Variants in SGMS1 observed in about 807,000 individuals in gnomAD.
SGMS1 encodes sphingomyelin synthase 1.
A neutral mutation model predicts 46.2 loss-of-function variants in SGMS1; 13 were observed. The ratio of observed to expected loss-of-function variants is 0.28; its 90% CI spans 0.18 to 0.45. SGMS1 has a LOEUF of 0.45. Ranked by LOEUF, SGMS1 falls within the 20% of genes least tolerant of loss-of-function variation. SGMS1 has a pLI of 1.00. For missense variants in SGMS1, 324 were observed against 519.9 expected (o/e 0.62, Z 3.66); for synonymous variants, 203 against 187.8 (o/e 1.08, Z -0.66).
In SGMS1 at chr10:50,308,299, T is replaced by G. The variant is rs545586539; in HGVS notation, c.896-151A>C. On this transcript the variant is annotated intron_variant, in intron 9 of 10. Transcript: ENST00000361781. ...GAATCTAAGGGCTGTCATTTATCTG[T>G]AACCAAGGTTAGAACAGAAACAGCT... 3.0e-5 allele frequency: 20 copies of G among 668,130 alleles called. No homozygotes were observed. In the South Asian group the frequency reaches 4.5e-4, roughly 15 times the overall value. 41.4% of individuals were successfully genotyped at this position (668,130 alleles called of 1,614,324 possible). A position where few individuals can be genotyped will look rare whatever the true frequency, so the allele number is the denominator to read the frequency against.
intron 3 of SGMS1, among the ~76,000 whole-genome samples, chr10:50,467,342 AT>A (rs1453956632): frequency 6.6e-6 from 1 of 152,184 alleles, no homozygotes; most frequent in East Asian, 1.9e-4. Context: ...ATAAATTTTC[AT>A]TTTTACCAAA....
At chr10:50,470,724 G>A (rs1439336787) in intron 3 of SGMS1, among the ~76,000 whole-genome samples, 3 of 151,958 alleles carry the variant, frequency 2.0e-5, no homozygotes. Flanking sequence ...CTCAAATTTT[G>A]CCTCAATTTA....
chr10:50,544,703 G>A (rs568854290), intron 2 of SGMS1, among the ~76,000 whole-genome samples: 7 of 152,262 alleles, frequency 4.6e-5, no homozygotes, highest in Admixed American at 4.6e-4. Flanking sequence ...GAAGATATGA[G>A]ATAAACAAGG....
At chr10:50,420,447 A>G (rs1849240733) in intron 6 of SGMS1, among the ~76,000 whole-genome samples, 1 of 152,180 alleles carries the variant, frequency 6.6e-6, no homozygotes, top group South Asian at 2.1e-4. Flanking sequence ...ACACATCATC[A>G]TCATCATCAC....
At chr10:50,423,476 G>A (rs1448176760) in intron 6 of SGMS1, among the ~76,000 whole-genome samples, 2 of 152,168 alleles carry the variant, frequency 1.3e-5, no homozygotes, top group Non-Finnish European at 2.9e-5. Flanking sequence ...AGAAGAAAAC[G>A]GGTTTAATTC....
chr10:50,311,136 C>G (rs1847245644), intron 9 of SGMS1, 126 bp downstream of exon 9: 1 of 1,113,410 alleles, frequency 9.0e-7, no homozygotes, highest in African/African-American at 1.6e-5. Flanking sequence ...TGAGATGAAG[C>G]TGCAAGCCTC....
intron 3 of SGMS1, among the ~76,000 whole-genome samples, chr10:50,477,586 T>C (rs912135761): frequency 2.6e-5 from 4 of 152,154 alleles, no homozygotes; most frequent in African/African-American, 9.7e-5. Flanking sequence ...CAGAATGATA[T>C]GCTTTGGCTA....
chr10:50,407,230 T>C (rs1849027603), intron 6 of SGMS1, among the ~76,000 whole-genome samples: 1 of 152,200 alleles, frequency 6.6e-6, no homozygotes, highest in Non-Finnish European at 1.5e-5. Flanking sequence ...TGCTAAGTGA[T>C]ATATCATAGA....
intron 1 of SGMS1, among the ~76,000 whole-genome samples, chr10:50,616,796 ACT>A (rs1838801940): frequency 6.6e-6 from 1 of 152,232 alleles, no homozygotes; most frequent in Admixed American, 6.5e-5. Flanking sequence ...AAAATTTGAA[ACT>A]CTATTAAAAA....
At position 50,574,860 on chromosome 10, in the gene SGMS1, C is replaced by T. The variant is rs371635162; in HGVS notation, c.-589+15293G>A. On this transcript the variant is annotated intron_variant, in intron 2 of 10. Transcript: ENST00000361781. ...AATATGCTAATTACCCTGATCTGAT[C>T]ACACCACATCATATGTATTGAAATC... is the stretch of plus-strand genomic sequence containing the variant. Among the ~76,000 whole-genome samples, 4 of 151,392 alleles carry T rather than the reference C, an allele frequency of 2.6e-5. 1 individual carries two copies. The highest frequency in any genetic ancestry group is 9.7e-5 in the African/African-American group (4 of 41,358).
intron 7 of SGMS1, among the ~76,000 whole-genome samples, chr10:50,330,409 T>C (rs911256168): frequency 6.6e-6 from 1 of 152,148 alleles, no homozygotes. Flanking sequence ...CGCCGGAGCC[T>C]GGGAGTTAGA....
At chr10:50,528,114 A>G (rs1240870896) in intron 2 of SGMS1, among the ~76,000 whole-genome samples, 1 of 152,238 alleles carries the variant, frequency 6.6e-6, no homozygotes. Context: ...CAAGTACACA[A>G]TATCAGTCTA....
chr10:50,379,512 G>A (rs573710800), intron 6 of SGMS1, among the ~76,000 whole-genome samples: 22 of 152,064 alleles, frequency 1.4e-4, no homozygotes, highest in African/African-American at 3.4e-4. Flanking sequence ...CAGAGGCTAC[G>A]GAGGGACAGG....
intron 8 of SGMS1, among the ~76,000 whole-genome samples, chr10:50,326,578 C>T (rs970384162): frequency 6.6e-6 from 1 of 152,168 alleles, no homozygotes; most frequent in African/African-American, 2.4e-5. Flanking sequence ...CTAATTATTT[C>T]ACAGAGTTCC....
At chr10:50,580,427 C>G (rs11006201) in intron 2 of SGMS1, among the ~76,000 whole-genome samples, 2 of 151,098 alleles carry the variant, frequency 1.3e-5, no homozygotes, top group Non-Finnish European at 1.5e-5. Flanking sequence ...GTTAGGGACC[C>G]CCCCCCAAAC....
At chr10:50,584,697 G>A (rs1203628994) in intron 2 of SGMS1, among the ~76,000 whole-genome samples, 3 of 152,098 alleles carry the variant, frequency 2.0e-5, no homozygotes, top group Non-Finnish European at 4.4e-5. Context: ...GCCTCAAAAG[G>A]TGACAAATAG....
intron 2 of SGMS1, among the ~76,000 whole-genome samples, chr10:50,589,720 C>T (rs1468301239): frequency 1.3e-5 from 2 of 152,184 alleles, no homozygotes; most frequent in African/African-American, 4.8e-5. Flanking sequence ...GATCCATTCC[C>T]CTCAGCCTCC....
intron 6 of SGMS1, among the ~76,000 whole-genome samples, chr10:50,408,454 A>AT (rs1322248284): frequency 2.0e-5 from 3 of 148,248 alleles, no homozygotes; most frequent in Non-Finnish European, 4.4e-5. Flanking sequence ...AAAAAAAAAA[A>AT]ACAAAATAAA....
At position 50,623,941 on chromosome 10, in the gene SGMS1, G is replaced by C. The variant is rs1296950163; in HGVS notation, c.-918C>G. The C allele has an allele frequency of 1.0e-6, 1 of 986,056 alleles. No individual in the cohort carries two copies. The highest frequency in any genetic ancestry group is 1.7e-5 in the African/African-American group (1 of 57,248). 61.1% of individuals were successfully genotyped at this position (986,056 alleles called of 1,614,324 possible). On this transcript the variant is annotated 5_prime_UTR_variant, in exon 1 of 11. Transcript: ENST00000361781. ...GTGCGAACGCTTTCGACTTGCCACC[G>C]CGAGCCTCCCGGGCTGCCGAGCATG...
Sources: gnomAD v4.1 joint callset for allele counts (sites outside exome capture counted in the v4.1 genomes callset) on GRCh38, gnomAD v4.1.1 for gene constraint, MANE v1.5 for transcripts, NCBI Gene and HGNC (gene_info 2026-07-23, HGNC 2026-07-21) for gene names.